GMDS: variants seen among roughly 807,000 people sequenced by gnomAD.
GMDS encodes GDP-mannose 4,6-dehydratase.
Under a neutral mutation model 49.9 loss-of-function variants are expected in GMDS, and 20 were observed. The ratio of observed to expected loss-of-function variants is 0.40; its 90% CI spans 0.28 to 0.58. The LOEUF (loss-of-function observed/expected upper bound fraction) is 0.58. Ranked by LOEUF, GMDS falls within the 20% of genes least tolerant of loss-of-function variation. GMDS has a pLI of 0.42. For synonymous variants in GMDS, 177 were observed against 178.6 expected, an observed-to-expected ratio of 0.99 and a Z score of 0.07; for missense variants, 362 against 481.4, an observed-to-expected ratio of 0.75 and a Z score of 2.32.
intron 4 of GMDS, among the ~76,000 whole-genome samples, chr6:2,013,740 G>T (rs1767707530): frequency 6.6e-6 from 1 of 151,506 alleles, no homozygotes; most frequent in Admixed American, 6.6e-5. Context: ...AGAGAAAAGA[G>T]AATAAAAGAA....
chr6:2,205,940 C>A (rs1779787717), intron 1 of GMDS, among the ~76,000 whole-genome samples: 1 of 152,182 alleles, frequency 6.6e-6, no homozygotes, highest in South Asian at 2.1e-4. Flanking sequence ...GTCCATTTTT[C>A]ACTGTAACAG....
In GMDS at chr6:1,635,778, T is replaced by A. The variant is rs1763126705; in HGVS notation, c.988-11238A>T. On this transcript the variant is annotated intron_variant, in intron 9 of 10. Transcript: ENST00000380815. This position sits in a 1 kb window ranked among gnomAD's most constrained non-coding sequence, Gnocchi z 4.7. ...GTGAAGGCGCTTTGGAAAAGACAGC[T>A]CTATCCAAATGTGAGAAATTACTGA... is the stretch of plus-strand genomic sequence containing the variant. Among the ~76,000 whole-genome samples, 1 of 152,124 alleles carries A rather than the reference T, an allele frequency of 6.6e-6. No individual in the cohort carries two copies. Among genetic ancestry groups the A allele is most frequent in the African/African-American group, 2.4e-5 (1 of 41,440 alleles).
intron 4 of GMDS, among the ~76,000 whole-genome samples, chr6:1,984,681 A>G (rs1765436738): frequency 6.6e-6 from 1 of 152,136 alleles, no homozygotes; most frequent in South Asian, 2.1e-4. Context: ...CATGCTACCA[A>G]AATTATCTTT....
intron 8 of GMDS, among the ~76,000 whole-genome samples, chr6:1,734,703 T>C (rs889826045): frequency 6.6e-6 from 1 of 152,368 alleles, no homozygotes; most frequent in Admixed American, 6.5e-5. Context: ...TTCTTCTTTT[T>C]AGCAGTAGGA....
chr6:1,865,340 G>A (rs921965010), intron 7 of GMDS, among the ~76,000 whole-genome samples: 4 of 152,164 alleles, frequency 2.6e-5, no homozygotes, highest in Non-Finnish European at 5.9e-5. Flanking sequence ...GTCTAGTACA[G>A]AATTGAGTTT....
intron 7 of GMDS, among the ~76,000 whole-genome samples, chr6:1,771,722 T>C (rs1768582063): frequency 6.6e-6 from 1 of 152,236 alleles, no homozygotes; most frequent in South Asian, 2.1e-4. Flanking sequence ...AGTCACACAG[T>C]GCAGAAATAA....
intron 7 of GMDS, among the ~76,000 whole-genome samples, chr6:1,813,715 T>G (rs1770542862): frequency 6.6e-6 from 1 of 152,198 alleles, no homozygotes; most frequent in Admixed American, 6.5e-5. Context: ...CCACTGACTT[T>G]TCCTCTAGTA....
At chr6:2,057,653 A>C (rs540579416) in intron 4 of GMDS, among the ~76,000 whole-genome samples, 1 of 152,342 alleles carries the variant, frequency 6.6e-6, no homozygotes, top group Non-Finnish European at 1.5e-5. Context: ...ATAAAGTGTC[A>C]CTTTAATCAT....
intron 1 of GMDS, among the ~76,000 whole-genome samples, chr6:2,229,927 G>A (rs952986993): frequency 6.6e-6 from 1 of 152,156 alleles, no homozygotes; most frequent in African/African-American, 2.4e-5. Flanking sequence ...GAGCCCCAGG[G>A]AAGCAGCTTC....
chr6:2,018,450 C>G, intron 4 of GMDS, among the ~76,000 whole-genome samples: 1 of 152,164 alleles, frequency 6.6e-6, no homozygotes, highest in Non-Finnish European at 1.5e-5. Context: ...ACATTTCTAA[C>G]ACTCTCAAAA....
At chr6:1,811,583 C>A (rs1770432257) in intron 7 of GMDS, among the ~76,000 whole-genome samples, 1 of 135,952 alleles carries the variant, frequency 7.4e-6, no homozygotes, top group Non-Finnish European at 1.5e-5. Context: ...TCAACTGAAG[C>A]CCTTCACAAT....
chr6:2,228,149 T>C (rs1156779479), intron 1 of GMDS, among the ~76,000 whole-genome samples: 1 of 152,164 alleles, frequency 6.6e-6, no homozygotes, highest in Admixed American at 6.5e-5. Context: ...TGTGCTTGGT[T>C]CCTCTTGGAT....
chr6:1,770,876 A>G (rs893498455), intron 7 of GMDS, among the ~76,000 whole-genome samples: 6 of 152,264 alleles, frequency 3.9e-5, no homozygotes, highest in Non-Finnish European at 7.3e-5. Flanking sequence ...AAAACTGCCA[A>G]GGTAATAATT....
At chr6:2,131,256 A>T (rs1355088058) in intron 1 of GMDS, among the ~76,000 whole-genome samples, 1 of 152,206 alleles carries the variant, frequency 6.6e-6, no homozygotes, top group Non-Finnish European at 1.5e-5. Context: ...AATTTTCTAT[A>T]ATTTAGGCAA....
chr6:1,969,370 A>G (rs1341567178), intron 4 of GMDS, among the ~76,000 whole-genome samples: 1 of 151,408 alleles, frequency 6.6e-6, no homozygotes, highest in Non-Finnish European at 1.5e-5. Flanking sequence ...TAGAACTATT[A>G]TCTTCTAAAG....
chr6:2,241,178 C>T (rs535042833), intron 1 of GMDS, among the ~76,000 whole-genome samples: 33 of 152,282 alleles, frequency 2.2e-4, no homozygotes, highest in African/African-American at 7.5e-4. Context: ...AGTCCTGGAA[C>T]GTCCTACATG....
chr6:1,737,848 C>T (rs1029138944), intron 8 of GMDS, among the ~76,000 whole-genome samples: 10 of 146,030 alleles, frequency 6.8e-5, no homozygotes, highest in South Asian at 2.3e-4. Flanking sequence ...CACAGATACG[C>T]GCACAGATAT....
chr6:1,807,198 T>G (rs1199877246), intron 7 of GMDS, among the ~76,000 whole-genome samples: 14 of 152,034 alleles, frequency 9.2e-5, no homozygotes, highest in Non-Finnish European at 1.5e-5. Context: ...TGTACCACCA[T>G]GCCTGGCAAA....
chr6:1,915,096 G>C (rs1048853074), intron 7 of GMDS, among the ~76,000 whole-genome samples: 2 of 152,234 alleles, frequency 1.3e-5, no homozygotes, highest in Non-Finnish European at 2.9e-5. Context: ...ACCATCCACT[G>C]TATCTGCAGA....
Sources: gnomAD v4.1 joint callset for allele counts (sites outside exome capture counted in the v4.1 genomes callset) on GRCh38, gnomAD v4.1.1 for gene constraint, Gnocchi (gnomAD v3.1) non-coding constraint, MANE v1.5 for transcripts, NCBI Gene and HGNC (gene_info 2026-07-23, HGNC 2026-07-21) for gene names.